The following DYM variants were observed in gnomAD, a reference collection of about 807,000 sequenced individuals.
The protein encoded by DYM is dyggve-Melchior-Clausen syndrome protein.
A neutral mutation model predicts 93.1 loss-of-function variants in DYM; 78 were observed. That is an observed-to-expected ratio of 0.84 (90% CI 0.70 to 1.01). The LOEUF is 1.01. DYM is among the 50% of genes least tolerant of loss of function. The pLI, the probability that DYM is intolerant of heterozygous loss-of-function variation, is 0.00. For synonymous variants in DYM, 321 were observed against 319.7 expected (o/e 1.00, Z -0.04); for missense variants, 789 against 845.0 (o/e 0.93, Z 0.82).
intron 1 of DYM, among the ~76,000 whole-genome samples, chr18:49,441,210 AT>A (rs1304585937): frequency 3.5e-4 from 10 of 28,552 alleles, no homozygotes; most frequent in South Asian, 9.2e-4. Flanking sequence ...TATATTATAT[AT>A]ATTATATATA....
rs377313583 is a variant in DYM, at chr18:49,050,673, C to G, written c.2026-6469G>C. On this transcript the variant is annotated intron_variant, in intron 17 of 17. Coordinates refer to ENST00000675505, the MANE Select transcript of DYM (RefSeq NM_001353214.3). ...GGAAGCTCAGTGGAAATGACTCTGA[C>G]TAGAGCTGCCATGTACCAGGCACTT... 3.6e-4 allele frequency among the ~76,000 whole-genome samples: 55 copies of G among 152,158 alleles called. 3 individuals are homozygous for G. The highest frequency in any genetic ancestry group is 3.1e-3 in the East Asian group (16 of 5,152).
At chr18:49,120,419 G>A (rs2082282509) in intron 15 of DYM, among the ~76,000 whole-genome samples, 1 of 152,140 alleles carries the variant, frequency 6.6e-6, no homozygotes. Context: ...GAAAGCAGGA[G>A]TGGCTATACA....
At chr18:49,458,333 T>TA (rs200490518) in intron 1 of DYM, among the ~76,000 whole-genome samples, 2,393 of 144,466 alleles carry the variant, frequency 0.017, 42 homozygotes, top group African/African-American at 0.044. Context: ...GCCATATTAA[T>TA]AAAAAAAAAA....
Position 49,043,675 on chromosome 18 carries a change from TTTGAATAGTGTGCACTG to T in DYM, c.*363_*379del, listed in dbSNP as rs1477098682. On this transcript the variant is annotated 3_prime_UTR_variant, in exon 18 of 18. Coordinates refer to ENST00000675505, the MANE Select transcript of DYM (RefSeq NM_001353214.3). ...AACATGCAAAAAAATAGTCTACGCT[TTTGAATAGTGTGCACTG>T]TTGAATAGTGTGCACTGTTGGATAG... 4.3e-4 allele frequency: 80 copies of T among 187,334 alleles called. No individual in the cohort carries two copies. Among genetic ancestry groups the T allele is most frequent in the South Asian group, 9.8e-4 (8 of 8,138 alleles). 11.6% of individuals were successfully genotyped at this position (187,334 alleles called of 1,614,324 possible).
At chr18:49,085,501 T>C (rs768703121) in intron 17 of DYM, among the ~76,000 whole-genome samples, 1 of 152,042 alleles carries the variant, frequency 6.6e-6, no homozygotes, top group Non-Finnish European at 1.5e-5. Context: ...GTAACTGACA[T>C]TATATTAGTC....
chr18:49,040,108 G>A lies in DYM; in HGVS notation c.*3947C>T, dbSNP rs2070853657. 6.6e-6 allele frequency: 1 copy of A among 152,238 alleles called. No individual in the cohort carries two copies. Among genetic ancestry groups the A allele is most frequent in the South Asian group, 2.1e-4 (1 of 4,836 alleles). The allele number at this position is 152,238 out of a possible 1,614,324, so 9.4% of individuals were successfully genotyped here. ...TTAGAAGTTGAACTGCACTACCCAT[G>A]AGGGATAGTCCAATGACAGTAATGG... On this transcript the variant is annotated 3_prime_UTR_variant, in exon 18 of 18. Transcript: ENST00000675505.
At chr18:49,211,151 C>T (rs557307687) in intron 13 of DYM, among the ~76,000 whole-genome samples, 9 of 152,248 alleles carry the variant, frequency 5.9e-5, no homozygotes. Context: ...ATCCTGCTCA[C>T]CCATTGGCAG....
chr18:49,397,180 A>T (rs2070207707), intron 2 of DYM, among the ~76,000 whole-genome samples: 1 of 152,244 alleles, frequency 6.6e-6, no homozygotes, highest in South Asian at 2.1e-4. Context: ...AAATATGTAC[A>T]ATTATGTGTC....
chr18:49,283,845 A>AG (rs563438908), intron 9 of DYM, among the ~76,000 whole-genome samples: 101 of 152,316 alleles, frequency 6.6e-4, no homozygotes, highest in African/African-American at 2.0e-3. Flanking sequence ...TACATTTGTG[A>AG]GGGGAATGCA....
intron 16 of DYM, among the ~76,000 whole-genome samples, chr18:49,103,319 G>A (rs2080394268): frequency 6.6e-6 from 1 of 152,136 alleles, no homozygotes; most frequent in Non-Finnish European, 1.5e-5. Flanking sequence ...TTAGCCCCTT[G>A]TCAGATGGGT....
intron 2 of DYM, among the ~76,000 whole-genome samples, chr18:49,426,910 T>C (rs1305431259): frequency 6.6e-6 from 1 of 152,084 alleles, no homozygotes. Flanking sequence ...AGAAAAAAAC[T>C]GAAGTGCTTA....
intron 1 of DYM, among the ~76,000 whole-genome samples, chr18:49,456,579 A>G (rs1356466337): frequency 1.3e-5 from 2 of 152,228 alleles, no homozygotes; most frequent in Non-Finnish European, 2.9e-5. Flanking sequence ...GGAAAGTTTC[A>G]GCCACTTTCA....
rs2081354830 is a variant in DYM, at chr18:49,440,944, TATATTATATAA to T, written c.-53-10508_-53-10498del. On this transcript the variant is annotated intron_variant, in intron 1 of 17. Coordinates refer to ENST00000675505, the MANE Select transcript of DYM (RefSeq NM_001353214.3). ...ATATAATATATTATATAATATATAA[TATATTATATAA>T]ATATATTATATTTATATAATATATT... Among the ~76,000 whole-genome samples the T allele has an allele frequency of 8.2e-3, 8 of 980 alleles. 2 individuals carry two copies. The highest frequency in any genetic ancestry group is 0.017 in the Non-Finnish European group (8 of 474). 0.6% of individuals were successfully genotyped at this position (980 alleles called of 152,430 possible). A position where few individuals can be genotyped will look rare whatever the true frequency, so the allele number is the denominator to read the frequency against.
At chr18:49,458,918 A>G (rs994821773) in intron 1 of DYM, among the ~76,000 whole-genome samples, 2 of 152,234 alleles carry the variant, frequency 1.3e-5, no homozygotes, top group African/African-American at 4.8e-5. Context: ...TTGAATGTCT[A>G]TGATTTGCTT....
At chr18:49,363,079 C>A (rs2066176553) in intron 6 of DYM, 82 bp downstream of exon 6, 1 of 1,108,472 alleles carries the variant, frequency 9.0e-7, no homozygotes, top group Non-Finnish European at 1.4e-6. Context: ...TATACAAGGA[C>A]CCACAAACTT....
intron 11 of DYM, among the ~76,000 whole-genome samples, chr18:49,262,306 C>A (rs1254278921): frequency 6.6e-6 from 1 of 152,124 alleles, no homozygotes; most frequent in Admixed American, 6.6e-5. Flanking sequence ...TCCCCTAGAG[C>A]CTTCAGAGAG....
At chr18:49,148,208 G>C (rs542690059) in intron 15 of DYM, among the ~76,000 whole-genome samples, 4 of 152,242 alleles carry the variant, frequency 2.6e-5, no homozygotes, top group South Asian at 4.1e-4. Flanking sequence ...TGGGAGGAGA[G>C]GGGAGGGACA....
chr18:49,056,152 A>G (rs532164736), intron 17 of DYM, among the ~76,000 whole-genome samples: 5 of 152,160 alleles, frequency 3.3e-5, no homozygotes, highest in Non-Finnish European at 7.3e-5. Flanking sequence ...ACTTTCCTGA[A>G]ATGGAGGCAG....
chr18:49,248,281 C>A (rs1270264705), intron 13 of DYM, among the ~76,000 whole-genome samples: 2 of 152,116 alleles, frequency 1.3e-5, no homozygotes, highest in African/African-American at 2.4e-5. Flanking sequence ...ATCCATTGGG[C>A]AGGGAATCAG....
Sources: gnomAD v4.1 joint callset for allele counts (sites outside exome capture counted in the v4.1 genomes callset) on GRCh38, gnomAD v4.1.1 for gene constraint, MANE v1.5 for transcripts, NCBI Gene and HGNC (gene_info 2026-07-23, HGNC 2026-07-21) for gene names.